The following FAM120A variants were observed in gnomAD, a reference collection of about 807,000 sequenced individuals.
FAM120A encodes the protein family with sequence similarity 120 member A, also known as constitutive coactivator of PPAR-gamma-like protein 1.
A neutral mutation model predicts 109.7 loss-of-function variants in FAM120A; 15 were observed. That is an observed-to-expected ratio of 0.14 (90% CI 0.09 to 0.21). FAM120A has a LOEUF of 0.21. Ranked by LOEUF, FAM120A falls within the 10% of genes least tolerant of loss-of-function variation. FAM120A has a pLI of 1.00. For missense variants in FAM120A, 899 were observed against 1,439.3 expected, an observed-to-expected ratio of 0.62 and a Z score of 6.07; for synonymous variants, 493 against 572.8, an observed-to-expected ratio of 0.86 and a Z score of 1.99.
chr9:93,468,310 A>G (rs1258136621), intron 1 of FAM120A, among the ~76,000 whole-genome samples: 2 of 152,228 alleles, frequency 1.3e-5, no homozygotes, highest in Non-Finnish European at 2.9e-5. Flanking sequence ...AAACTGGGGC[A>G]GTTTTTAATT....
chr9:93,456,076 A>G (rs1204179232), intron 1 of FAM120A, among the ~76,000 whole-genome samples: 2 of 152,246 alleles, frequency 1.3e-5, no homozygotes, highest in African/African-American at 2.4e-5. Context: ...CTACATGGAA[A>G]GACAGCCAGA....
At chr9:93,512,791 C>T (rs1162860971) in intron 5 of FAM120A, among the ~76,000 whole-genome samples, 4 of 152,176 alleles carry the variant, frequency 2.6e-5, no homozygotes, top group Non-Finnish European at 5.9e-5. Flanking sequence ...AAAATGCAGA[C>T]AAATTAATTC....
intron 11 of FAM120A, among the ~76,000 whole-genome samples, chr9:93,547,771 C>T (rs1391914549): frequency 4.6e-5 from 7 of 152,132 alleles, no homozygotes; most frequent in African/African-American, 1.7e-4. Flanking sequence ...TAGGAATTAG[C>T]ACAAATAAAT....
At chr9:93,557,214 C>A (rs1382637425) in intron 13 of FAM120A, among the ~76,000 whole-genome samples, 1 of 150,964 alleles carries the variant, frequency 6.6e-6, no homozygotes, top group African/African-American at 2.4e-5. Flanking sequence ...ACTGTAACCT[C>A]CACCTCCCAG....
chr9:93,550,533 G>T, intron 11 of FAM120A, 44 bp from the exon 12 acceptor site: 1 of 1,484,628 alleles, frequency 6.7e-7, no homozygotes, highest in South Asian at 1.1e-5. Flanking sequence ...TATGACGGGC[G>T]ACCACTCAGT....
chr9:93,502,538 G>A (rs896181370), intron 5 of FAM120A, among the ~76,000 whole-genome samples: 2 of 148,988 alleles, frequency 1.3e-5, no homozygotes, highest in Non-Finnish European at 3.0e-5. Context: ...CAGTTATTGG[G>A]TAGTGTAGAG....
At chr9:93,507,661 G>A (rs1382223854) in intron 5 of FAM120A, among the ~76,000 whole-genome samples, 1 of 152,136 alleles carries the variant, frequency 6.6e-6, no homozygotes, top group East Asian at 1.9e-4. Context: ...GATACCCTGT[G>A]CACAGTTGTT....
chr9:93,519,922 C>G (rs1243074534), intron 7 of FAM120A, among the ~76,000 whole-genome samples: 1 of 152,112 alleles, frequency 6.6e-6, no homozygotes, highest in Non-Finnish European at 1.5e-5. Context: ...TTCACCCAGG[C>G]TGGAGTGCAG....
chr9:93,512,370 A>G (rs1860365597), intron 5 of FAM120A, among the ~76,000 whole-genome samples: 1 of 152,220 alleles, frequency 6.6e-6, no homozygotes, highest in East Asian at 1.9e-4. Flanking sequence ...ACTGAGCTGT[A>G]ACAAGTCAAG....
chr9:93,497,342 TG>T, intron 3 of FAM120A, 128 bp from the exon 4 acceptor site: 1 of 1,193,738 alleles, frequency 8.4e-7, no homozygotes, highest in Non-Finnish European at 1.2e-6. Context: ...ATCTTACAAG[TG>T]GACAATCATT....
At chr9:93,527,128 C>T (rs767053814) in intron 7 of FAM120A, 27 bp from the exon 8 acceptor site, 2 of 1,595,848 alleles carry the variant, frequency 1.3e-6, no homozygotes, top group Non-Finnish European at 1.7e-6. Context: ...AGTGATTGGA[C>T]AGTAATCATG....
chr9:93,521,228 C>G (rs939484001), intron 7 of FAM120A, among the ~76,000 whole-genome samples: 1 of 152,196 alleles, frequency 6.6e-6, no homozygotes, highest in African/African-American at 2.4e-5. Context: ...ACACAACACT[C>G]TCTTTCTAGC....
At chr9:93,491,446 G>C (rs1859316427) in intron 3 of FAM120A, among the ~76,000 whole-genome samples, 3 of 152,188 alleles carry the variant, frequency 2.0e-5, no homozygotes, top group Admixed American at 2.0e-4. Context: ...ATGTTTTTCA[G>C]TAGGAAATGA....
At chr9:93,453,470 C>G (rs910445240) in intron 1 of FAM120A, 8 of 985,364 alleles carry the variant, frequency 8.1e-6, no homozygotes, top group African/African-American at 1.7e-5. Flanking sequence ...GACACTCGGT[C>G]TTCCATCTTG....
intron 7 of FAM120A, among the ~76,000 whole-genome samples, chr9:93,521,996 C>T (rs1022801039): frequency 6.6e-6 from 1 of 152,146 alleles, no homozygotes; most frequent in Non-Finnish European, 1.5e-5. Context: ...AGGAGAATTG[C>T]TTGAACCTGG....
chr9:93,564,760 A>G lies in FAM120A; in HGVS notation c.*220A>G, dbSNP rs1862583105. The G allele has an allele frequency of 2.2e-6, 1 of 463,950 alleles. No individual in the cohort carries two copies. The highest frequency in any genetic ancestry group is 3.8e-6 in the Non-Finnish European group (1 of 264,814). The allele number at this position is 463,950 out of a possible 1,614,324, so 28.7% of individuals were successfully genotyped here. On this transcript the variant is annotated 3_prime_UTR_variant, in exon 18 of 18. Coordinates refer to ENST00000277165, the MANE Select transcript of FAM120A (RefSeq NM_014612.5). Reference sequence around the variant, plus strand: ...TGCTACAATAAAACAAAAAAGAGAAAGAAAATGAAGAGCATTTGACTCCCG... The same window carrying G: ...TGCTACAATAAAACAAAAAAGAGAAGGAAAATGAAGAGCATTTGACTCCCG...
chr9:93,523,735 C>A (rs1277662885), intron 7 of FAM120A, among the ~76,000 whole-genome samples: 1 of 152,186 alleles, frequency 6.6e-6, no homozygotes, highest in South Asian at 2.1e-4. Flanking sequence ...GAAGTGCCAA[C>A]AAGGCTGTGA....
At chr9:93,492,928 G>A (rs1859392788) in intron 3 of FAM120A, among the ~76,000 whole-genome samples, 1 of 152,224 alleles carries the variant, frequency 6.6e-6, no homozygotes, top group African/African-American at 2.4e-5. Context: ...AAGCAGGGCT[G>A]CCCAGTTACT....
At chr9:93,555,377 A>G (rs935199575) in intron 12 of FAM120A, among the ~76,000 whole-genome samples, 2 of 152,256 alleles carry the variant, frequency 1.3e-5, no homozygotes, top group African/African-American at 4.8e-5. Context: ...TGTTAACACA[A>G]ACAACAAAAA....
Sources: allele counts gnomAD v4.1 joint callset (sites outside exome capture counted in the v4.1 genomes callset), GRCh38; gene constraint gnomAD v4.1.1; transcripts MANE v1.5; gene names NCBI Gene and HGNC (gene_info 2026-07-23, HGNC 2026-07-21).